DNAJC13: variants seen among roughly 807,000 people sequenced by gnomAD.
DNAJC13 encodes DnaJ heat shock protein family (Hsp40) member C13, also known as dnaJ homolog subfamily C member 13.
Under a neutral mutation model 290.5 loss-of-function variants are expected in DNAJC13, and 75 were observed. That is an observed-to-expected ratio of 0.26 (90% CI 0.21 to 0.31). The LOEUF (loss-of-function observed/expected upper bound fraction) is 0.31. Ranked by LOEUF, DNAJC13 falls within the 10% of genes least tolerant of loss-of-function variation. The pLI is 1.00. For synonymous variants in DNAJC13, 862 were observed against 892.0 expected (o/e 0.97, Z 0.60); for missense variants, 2,260 against 2,674.5 (o/e 0.85, Z 3.42).
At chr3:132,466,111 A>G in intron 18 of DNAJC13, 41 bp downstream of exon 18, 1 of 1,528,222 alleles carries the variant, frequency 6.5e-7, no homozygotes, top group Non-Finnish European at 9.1e-7. Flanking sequence ...TGCCTAATAA[A>G]ATTTAATTGA....
At chr3:132,454,314 ATTTTTTTTTT>A (rs71622093) in intron 9 of DNAJC13, among the ~76,000 whole-genome samples, 157 bp downstream of exon 9, 1 of 86,122 alleles carries the variant, frequency 1.2e-5, no homozygotes, top group East Asian at 3.6e-4. Flanking sequence ...CCCATTTTCA[ATTTTTTTTTT>A]TTTTTTTTTT....
In DNAJC13 at chr3:132,496,168, A is replaced by G. The variant is rs187744359; in HGVS notation, c.4021-360A>G. 6.6e-5 allele frequency among the ~76,000 whole-genome samples: 10 copies of G among 152,312 alleles called. No individual in the cohort carries two copies. The East Asian group carries it at 1.7e-3, about 26-fold the overall frequency. On this transcript the variant is annotated intron_variant, in intron 35 of 55. Coordinates refer to ENST00000260818, the MANE Select transcript of DNAJC13 (RefSeq NM_015268.4). ...GGTACACACTTTACATGGCTGTTTG[A>G]GGATTAAGTGAGATTATGGCATTTA...
At chr3:132,425,638 C>T (rs1283232354) in intron 1 of DNAJC13, among the ~76,000 whole-genome samples, 3 of 152,136 alleles carry the variant, frequency 2.0e-5, no homozygotes, top group African/African-American at 7.2e-5. Context: ...CAGTAGCTTA[C>T]CTGTTCTCTG....
At chr3:132,477,746 C>G in intron 22 of DNAJC13, 43 bp from the exon 23 acceptor site, 1 of 1,462,538 alleles carries the variant, frequency 6.8e-7, no homozygotes, top group Non-Finnish European at 9.3e-7. Context: ...TTGCCAAAAT[C>G]TATTGTAAAC....
Position 132,528,330 on chromosome 3 carries a change from C to G in DNAJC13, c.6523C>G (p.Gln2175Glu), listed in dbSNP as rs1936321450. 1 of 1,614,008 alleles carries G rather than the reference C, an allele frequency of 6.2e-7. No homozygotes were observed. The highest frequency in any genetic ancestry group is 1.1e-5 in the South Asian group (1 of 91,080). The change falls in exon 54 of 56, where the codon CAG becomes GAG. Residue 2175 changes from glutamine to glutamate, a missense_variant and splice_region_variant. Physicochemically the swap from Gln to Glu is conservative, Grantham distance 29. This residue lies in a region of DNAJC13 where 1,494 missense variants were observed against 1,693.7 expected (regional missense o/e 0.88). Coordinates refer to ENST00000260818, the MANE Select transcript of DNAJC13 (RefSeq NM_015268.4). The stretch of plus-strand genomic sequence containing the variant: ...GACTCGAAGTTTGCAGTATGGAGAA[C>G]AGGTGAGTCTGCATAGAGTCAACTT... ...AMTRSLQYGE[Q>E]VNEILCRSSV...
At position 132,478,058 on chromosome 3, in the gene DNAJC13, C is replaced by G. The variant is rs370901273; in HGVS notation, c.2627C>G (p.Ala876Gly). Reference sequence around the variant, plus strand: ...AACATGAAGTGTTTATGTTTACAAGCCCTTGCTATTGTTTATGGCAGATGT... The same window carrying G: ...AACATGAAGTGTTTATGTTTACAAGGCCTTGCTATTGTTTATGGCAGATGT... ...KVNMKCLCLQ[A>G]LAIVYGRCHE... The change falls in exon 24 of 56, where the codon GCC (alanine) becomes GGC (glycine). Residue 876 changes from alanine to glycine, a missense_variant. By Grantham distance (60) the Ala-to-Gly change is moderately conservative (BLOSUM62 0). This residue lies in a region of DNAJC13 where 1,494 missense variants were observed against 1,693.7 expected (regional missense o/e 0.88). Coordinates refer to ENST00000260818, the MANE Select transcript of DNAJC13 (RefSeq NM_015268.4). 1 of 1,613,430 alleles carries G rather than the reference C, an allele frequency of 6.2e-7. No homozygotes were observed. The highest frequency in any genetic ancestry group is 8.5e-7 in the Non-Finnish European group (1 of 1,179,788).
In DNAJC13 at chr3:132,489,620, A is replaced by AT. The variant is rs201842990; in HGVS notation, c.3468+608dup. ...ATGTTCAGCTTTTCATGGAGCATGGATTTTTTTTTGGATCATATCAAGCAG... is the reference window on the plus strand; with the variant it reads ...ATGTTCAGCTTTTCATGGAGCATGGATTTTTTTTTTGGATCATATCAAGCAG... On this transcript the variant is annotated intron_variant, in intron 31 of 55. Coordinates refer to ENST00000260818, the MANE Select transcript of DNAJC13 (RefSeq NM_015268.4). 2.3e-4 allele frequency among the ~76,000 whole-genome samples: 35 copies of AT among 151,610 alleles called. No homozygotes were observed. In the East Asian group the frequency reaches 5.0e-3, roughly 22 times the overall value.
intron 33 of DNAJC13, among the ~76,000 whole-genome samples, chr3:132,493,379 CA>C (rs1935125873): frequency 6.6e-6 from 1 of 151,100 alleles, no homozygotes; most frequent in Admixed American, 6.6e-5. Context: ...ATGCAGTGAC[CA>C]AAAAAAGGCA....
rs1933747966 is a variant in DNAJC13 at position 132,460,315 on chromosome 3, G to A, written c.1515G>A (p.Lys505=). 1 of 1,610,990 alleles carries A rather than the reference G, an allele frequency of 6.2e-7. No individual in the cohort carries two copies. The highest frequency in any genetic ancestry group is 8.5e-7 in the Non-Finnish European group (1 of 1,178,082). The change falls in exon 14 of 56, where the codon AAG becomes AAA. Residue 505 remains lysine (K), a synonymous_variant. Coordinates refer to ENST00000260818, the MANE Select transcript of DNAJC13 (RefSeq NM_015268.4). ...ACAAAGCTTCTCTTCTCTCGTCAAA[G>A]AAGTTTCTGGAAAACTTACTGGAGA... is the stretch of plus-strand genomic sequence containing the variant. ...QLNKASLLSS[K]KFLENLLEKF...
intron 2 of DNAJC13, among the ~76,000 whole-genome samples, chr3:132,444,650 T>C (rs570236796): frequency 7.2e-5 from 11 of 152,368 alleles, no homozygotes; most frequent in Admixed American, 4.6e-4. Context: ...TGAAAAATAG[T>C]TTGTGAATTC....
chr3:132,439,339 G>A (rs1383413101), intron 2 of DNAJC13, among the ~76,000 whole-genome samples: 1 of 152,132 alleles, frequency 6.6e-6, no homozygotes, highest in African/African-American at 2.4e-5. Flanking sequence ...ATGTAGGAAT[G>A]GAGTTCTACA....
Position 132,508,824 on chromosome 3 carries a change from A to C in DNAJC13, c.5115+1471A>C, listed in dbSNP as rs528697812. Reference sequence around the variant, plus strand: ...CTGTGCTCTATAAATGGAAGAACAAAGCCTATATGACAACACGTCTGTTTA... The same window carrying C: ...CTGTGCTCTATAAATGGAAGAACAACGCCTATATGACAACACGTCTGTTTA... On this transcript the variant is annotated intron_variant, in intron 43 of 55. Transcript: ENST00000260818. 3.9e-5 allele frequency among the ~76,000 whole-genome samples: 6 copies of C among 152,360 alleles called. No individual in the cohort carries two copies. In the South Asian group the frequency reaches 1.2e-3, roughly 32 times the overall value.
chr3:132,419,278 C>G (rs1396971735), intron 1 of DNAJC13, among the ~76,000 whole-genome samples: 1 of 152,024 alleles, frequency 6.6e-6, no homozygotes, highest in East Asian at 1.9e-4. Flanking sequence ...CATTTGTATT[C>G]CACTGAGAGG....
At chr3:132,447,038 A>G (rs1202962835) in intron 3 of DNAJC13, among the ~76,000 whole-genome samples, 1 of 152,242 alleles carries the variant, frequency 6.6e-6, no homozygotes, top group South Asian at 2.1e-4. Context: ...CTTTTTAACA[A>G]ATTTTTAAGT....
At chr3:132,436,844 C>A (rs1013509370) in intron 2 of DNAJC13, among the ~76,000 whole-genome samples, 1 of 150,250 alleles carries the variant, frequency 6.7e-6, no homozygotes, top group East Asian at 1.9e-4. Flanking sequence ...CTATTGAAAT[C>A]ATTTATTCAC....
chr3:132,531,009 C>G lies in DNAJC13; in HGVS notation c.6537C>G (p.Ile2179Met). ...TTTTACTTTCCTAGGTGAATGAAAT[C>G]CTGTGCCGTTCTTCAGTCTGGAGTG... ...SLQYGEQVNE[I>M]LCRSSVWSAF... is the part of the protein sequence containing the mutation. Residue 2179 changes from isoleucine to methionine, a missense_variant, in exon 55 of 56, where the codon ATC becomes ATG. Transcript: ENST00000260818. 6.2e-7 allele frequency: 1 copy of G among 1,613,794 alleles called. No individual in the cohort carries two copies. Among genetic ancestry groups the G allele is most frequent in the Non-Finnish European group, 8.5e-7 (1 of 1,179,728 alleles).
intron 6 of DNAJC13, among the ~76,000 whole-genome samples, chr3:132,451,746 C>T (rs1469555536): frequency 6.6e-6 from 1 of 152,086 alleles, no homozygotes; most frequent in Admixed American, 6.5e-5. Flanking sequence ...GGTAGCAGAG[C>T]CAAAGCAAGC....
At chr3:132,537,291 A>G (rs1936623830) in intron 55 of DNAJC13, 1 of 452,584 alleles carries the variant, frequency 2.2e-6, no homozygotes, top group Non-Finnish European at 4.5e-6. Context: ...TGCTAAATGC[A>G]TGCCGCTCCC....
intron 38 of DNAJC13, among the ~76,000 whole-genome samples, chr3:132,500,586 A>G (rs913473789): frequency 7.2e-5 from 11 of 152,236 alleles, no homozygotes; most frequent in African/African-American, 2.4e-4. Flanking sequence ...GGGTTGTAGT[A>G]GCTGTGGTTT....
Sources: allele counts gnomAD v4.1 joint callset (sites outside exome capture counted in the v4.1 genomes callset), GRCh38; gene constraint gnomAD v4.1.1; regional missense constraint gnomAD v4.1.1; transcripts MANE v1.5; gene names NCBI Gene and HGNC (gene_info 2026-07-23, HGNC 2026-07-21).